The following TIAM1 variants were observed in gnomAD, a reference collection of about 807,000 sequenced individuals.
TIAM1 encodes the protein TIAM Rac1 associated GEF 1.
A neutral mutation model predicts 163.5 loss-of-function variants in TIAM1; 65 were observed. The observed-to-expected ratio is 0.40, with a 90% CI of 0.33 to 0.49. The LOEUF (loss-of-function observed/expected upper bound fraction) is 0.49. Ranked by LOEUF, TIAM1 falls within the 20% of genes least tolerant of loss-of-function variation. The pLI is 0.77. For missense variants in TIAM1, 1,789 were observed against 2,044.7 expected, an observed-to-expected ratio of 0.87 and a Z score of 2.41; for synonymous variants, 833 against 810.1, an observed-to-expected ratio of 1.03 and a Z score of -0.48.
chr21:31,133,797 C>T (rs898670885), intron 23 of TIAM1, among the ~76,000 whole-genome samples: 6 of 152,114 alleles, frequency 3.9e-5, no homozygotes, highest in South Asian at 4.1e-4. Context: ...GGGTCGGGCG[C>T]GGTGGCTCAT....
intron 4 of TIAM1, among the ~76,000 whole-genome samples, chr21:31,253,058 C>T (rs184274079): frequency 1.4e-3 from 219 of 152,342 alleles, no homozygotes; most frequent in African/African-American, 4.7e-3. Flanking sequence ...TGAACATTTC[C>T]GGGACAGACA....
chr21:31,189,236 G>A (rs1449086078), intron 13 of TIAM1, among the ~76,000 whole-genome samples: 1 of 150,926 alleles, frequency 6.6e-6, no homozygotes, highest in African/African-American at 2.4e-5. Context: ...TCTAATTTTG[G>A]TAGAGATGGG....
chr21:31,221,464 T>C (rs1209640063), intron 8 of TIAM1, among the ~76,000 whole-genome samples: 1 of 152,178 alleles, frequency 6.6e-6, no homozygotes, highest in Non-Finnish European at 1.5e-5. Flanking sequence ...CAAATTTTAA[T>C]AGCCTGCCCC....
intron 1 of TIAM1, among the ~76,000 whole-genome samples, chr21:31,496,031 C>G (rs1014343157): frequency 6.6e-6 from 1 of 151,966 alleles, no homozygotes; most frequent in Non-Finnish European, 1.5e-5. Flanking sequence ...AAGACAAGGA[C>G]AAGACGTGGA....
At chr21:31,402,837 A>G (rs1180147687) in intron 2 of TIAM1, among the ~76,000 whole-genome samples, 1 of 152,114 alleles carries the variant, frequency 6.6e-6, no homozygotes, top group African/African-American at 2.4e-5. Flanking sequence ...CTGTAGTCCC[A>G]GCTACTCGGA....
chr21:31,466,792 A>G (rs1479292709), intron 1 of TIAM1, among the ~76,000 whole-genome samples: 1 of 152,148 alleles, frequency 6.6e-6, no homozygotes, highest in Non-Finnish European at 1.5e-5. Context: ...AAATCTAGAA[A>G]TGGCCGTTTC....
At chr21:31,324,007 C>CAA (rs1170060140) in intron 2 of TIAM1, among the ~76,000 whole-genome samples, 17 of 89,512 alleles carry the variant, frequency 1.9e-4, no homozygotes, top group African/African-American at 5.2e-4. Context: ...GACCCTGTCT[C>CAA]AAAAAAAAAA....
At chr21:31,282,734 C>T (rs1202253963) in intron 2 of TIAM1, among the ~76,000 whole-genome samples, 1 of 152,198 alleles carries the variant, frequency 6.6e-6, no homozygotes, top group Non-Finnish European at 1.5e-5. Flanking sequence ...ATGATAAGGG[C>T]CCCAAGTTCC....
At chr21:31,131,661 A>G (rs958026516) in intron 23 of TIAM1, among the ~76,000 whole-genome samples, 2 of 152,188 alleles carry the variant, frequency 1.3e-5, no homozygotes, top group Non-Finnish European at 2.9e-5. Context: ...CCCAGAAGGA[A>G]TAGAAGGGTG....
At chr21:31,400,220 T>A (rs1000667843) in intron 2 of TIAM1, among the ~76,000 whole-genome samples, 1 of 151,776 alleles carries the variant, frequency 6.6e-6, no homozygotes, top group African/African-American at 2.4e-5. Context: ...CTCCACCCCC[T>A]GGGTTCAAGC....
At chr21:31,325,202 T>C (rs2075445045) in intron 2 of TIAM1, among the ~76,000 whole-genome samples, 2 of 151,718 alleles carry the variant, frequency 1.3e-5, no homozygotes, top group African/African-American at 4.8e-5. Flanking sequence ...GAAGACCACT[T>C]GAGCCTAGGA....
intron 1 of TIAM1, among the ~76,000 whole-genome samples, chr21:31,546,959 G>T (rs899467113): frequency 3.6e-5 from 1 of 27,900 alleles, no homozygotes; most frequent in Non-Finnish European, 7.0e-5. Flanking sequence ...CCAAAATAGT[G>T]GGGGGGGGCT....
chr21:31,410,687 AGTGT>A (rs57343448), intron 2 of TIAM1, among the ~76,000 whole-genome samples: 2,740 of 150,906 alleles, frequency 0.018, 70 homozygotes, highest in African/African-American at 0.064. Context: ...AGGGCGTGAG[AGTGT>A]GTGTGAGTGT....
At chr21:31,290,092 C>T (rs959017000) in intron 2 of TIAM1, among the ~76,000 whole-genome samples, 14 of 152,206 alleles carry the variant, frequency 9.2e-5, no homozygotes, top group African/African-American at 3.4e-4. Flanking sequence ...ACTTGAAGTA[C>T]TGTTCAAATA....
At chr21:31,230,934 C>T (rs531512269) in intron 6 of TIAM1, among the ~76,000 whole-genome samples, 2 of 152,326 alleles carry the variant, frequency 1.3e-5, no homozygotes, top group South Asian at 2.1e-4. Context: ...TCCCAAAGTG[C>T]TGGGATTACA....
At chr21:31,166,467 A>G (rs977801409) in intron 15 of TIAM1, among the ~76,000 whole-genome samples, 1 of 152,142 alleles carries the variant, frequency 6.6e-6, no homozygotes, top group Non-Finnish European at 1.5e-5. Context: ...GCTGGCCAGG[A>G]AAGTTAGGGA....
intron 1 of TIAM1, among the ~76,000 whole-genome samples, chr21:31,527,307 T>A (rs140751720): frequency 3.9e-5 from 6 of 152,198 alleles, no homozygotes; most frequent in African/African-American, 1.4e-4. Context: ...TGGTAGAGAA[T>A]GAGTAGGGTA....
Position 31,144,830 on chromosome 21 carries a change from GAAAA to G in TIAM1, c.3475+2061_3475+2064del, listed in dbSNP as rs764835303. Among the ~76,000 whole-genome samples the G allele has an allele frequency of 6.3e-3, 466 of 74,506 alleles. 2 individuals are homozygous for G. The highest frequency in any genetic ancestry group is 0.024 in the African/African-American group (441 of 18,488). The allele number at this position is 74,506 out of a possible 152,430, so 48.9% of individuals were successfully genotyped here. ...GGTGACAGAGTGAGACTCCATCTCA[GAAAA>G]AAAAAAAAAAAAAAAAAAGAAAAGA... On this transcript the variant is annotated intron_variant, in intron 20 of 27. Transcript: ENST00000541036.
chr21:31,423,554 A>G (rs541989538), intron 2 of TIAM1, among the ~76,000 whole-genome samples: 23 of 152,086 alleles, frequency 1.5e-4, no homozygotes, highest in African/African-American at 4.8e-4. Context: ...CTTAATGTCC[A>G]TCTTCCCCAC....
Sources: allele counts gnomAD v4.1 joint callset (sites outside exome capture counted in the v4.1 genomes callset), GRCh38; gene constraint gnomAD v4.1.1; transcripts MANE v1.5; gene names NCBI Gene and HGNC (gene_info 2026-07-23, HGNC 2026-07-21).